Variants in AURKAIP1 observed in about 807,000 individuals in gnomAD.
AURKAIP1 encodes aurora kinase A interacting protein 1.
Under a neutral mutation model 18.4 loss-of-function variants are expected in AURKAIP1, and 20 were observed. That is an observed-to-expected ratio of 1.09 (90% confidence interval 0.77 to 1.58). The LOEUF (loss-of-function observed/expected upper bound fraction) is 1.58. Ranked by LOEUF, AURKAIP1 falls within the 40% of genes most tolerant of loss-of-function variation. AURKAIP1 has a pLI of 0.00. For synonymous variants in AURKAIP1, 156 were observed against 120.8 expected, an observed-to-expected ratio of 1.29 and a Z score of -1.91; for missense variants, 319 against 270.7, an observed-to-expected ratio of 1.18 and a Z score of -1.25.
In AURKAIP1 at chr1:1,374,744, G is replaced by T; in HGVS notation, c.13C>A (p.Arg5Ser). The T allele has an allele frequency of 6.4e-7, 1 of 1,559,902 alleles. No homozygotes were observed. Among genetic ancestry groups the T allele is most frequent in the Admixed American group, 1.9e-5 (1 of 52,396 alleles). ...GCCCTCAACAGCTGGGAAGTCAGGC[G>T]CCCCAGGAGCATGGTCTGTGGGCGG... Reference protein sequence around the residue: MLLGRLTSQLLRAVP... With the variant: MLLGSLTSQLLRAVP... The change falls in exon 2 of 4, where the codon CGC becomes AGC. Residue 5 changes from arginine (R) to serine (S), a missense_variant. Physicochemically the swap from Arg to Ser is moderately radical, Grantham distance 110. Coordinates refer to ENST00000338338, the MANE Select transcript of AURKAIP1 (RefSeq NM_017900.3).
At position 1,373,780 on chromosome 1, in the gene AURKAIP1, G is replaced by C. The variant is rs368225395; in HGVS notation, c.*21C>G. On this transcript the variant is annotated 3_prime_UTR_variant, in exon 4 of 4. Transcript: ENST00000338338. Reference sequence around the variant, plus strand: ...TTACTACGGATCACAGCAGCAACGGGCGGGAAGGGCGGCGCCAGACTCATT... The same window carrying C: ...TTACTACGGATCACAGCAGCAACGGCCGGGAAGGGCGGCGCCAGACTCATT... 1.3e-6 allele frequency: 2 copies of C among 1,585,452 alleles called. No homozygotes were observed. The highest frequency in any genetic ancestry group is 2.2e-5 in the South Asian group (2 of 90,590).
rs371071779 is a variant in AURKAIP1, at chr1:1,374,758, G to A, written c.-2C>T. ...GGAAGTCAGGCGCCCCAGGAGCATG[G>A]TCTGTGGGCGGCGGCCACAGGTCCC... On this transcript the variant is annotated 5_prime_UTR_variant, in exon 2 of 4. Transcript: ENST00000338338. 6.0e-5 allele frequency: 94 copies of A among 1,556,770 alleles called. No individual in the cohort carries two copies. The highest frequency in any genetic ancestry group is 7.3e-5 in the Non-Finnish European group (84 of 1,150,768).
chr1:1,374,526 G>C, intron 2 of AURKAIP1, 81 bp from the exon 3 acceptor site: 1 of 1,374,440 alleles, frequency 7.3e-7, no homozygotes, highest in Admixed American at 2.6e-5. Flanking sequence ...GTTCGTCCCA[G>C]CGAGGATCCC....
intron 3 of AURKAIP1, 26 bp from the exon 4 acceptor site, chr1:1,373,928 C>T: frequency 6.2e-7 from 1 of 1,609,080 alleles, no homozygotes; most frequent in Non-Finnish European, 8.5e-7. Flanking sequence ...AGAGGGACCG[C>T]CAAGTAATTC....
chr1:1,374,397 C>T lies in AURKAIP1; in HGVS notation c.101G>A (p.Cys34Tyr). The change falls in exon 3 of 4, where the codon TGC becomes TAC. Residue 34 changes from cysteine to tyrosine, a missense_variant. Coordinates refer to ENST00000338338, the MANE Select transcript of AURKAIP1 (RefSeq NM_017900.3). ...PVSGVLGSRV[C>Y]GPLYSTSPAG... ...CGGCGATGTGCTGTAAAGGGGCCCG[C>T]AGACCCGGCTGCCCAGCACTCCAGA... is the stretch of plus-strand genomic sequence containing the variant. 6.8e-7 allele frequency: 1 copy of T among 1,475,358 alleles called. No homozygotes were observed. The highest frequency in any genetic ancestry group is 8.9e-7 in the Non-Finnish European group (1 of 1,119,590). 91.4% of individuals were successfully genotyped at this position (1,475,358 alleles called of 1,614,324 possible). A position where few individuals can be genotyped will look rare whatever the true frequency, so the allele number is the denominator to read the frequency against.
intron 1 of AURKAIP1, 129 bp downstream of exon 1, chr1:1,375,025 C>A: frequency 2.4e-6 from 1 of 410,770 alleles, no homozygotes; most frequent in Non-Finnish European, 4.4e-6. Flanking sequence ...GGAGGCCGGC[C>A]CCCTCCCCGG....
At chr1:1,374,521 T>C in intron 2 of AURKAIP1, 76 bp from the exon 3 acceptor site, 1 of 1,387,298 alleles carries the variant, frequency 7.2e-7, no homozygotes, top group Non-Finnish European at 9.6e-7. Flanking sequence ...AGCAGGTTCG[T>C]CCCAGCGAGG....
In AURKAIP1 at chr1:1,373,749, A is replaced by T; in HGVS notation, c.*52T>A. ...CGCAGGAAAGGCTGAGTCCTCTGAG[A>T]ATTTATTACTACGGATCACAGCAGC... On this transcript the variant is annotated 3_prime_UTR_variant, in exon 4 of 4. Coordinates refer to ENST00000338338, the MANE Select transcript of AURKAIP1 (RefSeq NM_017900.3). The T allele has an allele frequency of 6.6e-7, 1 of 1,513,956 alleles. No individual in the cohort carries two copies. Among genetic ancestry groups the T allele is most frequent in the East Asian group, 2.3e-5 (1 of 44,048 alleles). The allele number at this position is 1,513,956 out of a possible 1,614,324, so 93.8% of individuals were successfully genotyped here. A position where few individuals can be genotyped will look rare whatever the true frequency, so the allele number is the denominator to read the frequency against.
Position 1,374,775 on chromosome 1 carries a change from A to G in AURKAIP1, c.-19T>C. ...GGAGCATGGTCTGTGGGCGGCGGCC[A>G]CAGGTCCCAGGGGAGCTGGAACACA... On this transcript the variant is annotated 5_prime_UTR_variant, in exon 2 of 4. Transcript: ENST00000338338. 3 of 1,552,746 alleles carry G rather than the reference A, an allele frequency of 1.9e-6. No individual in the cohort carries two copies. In the South Asian group the frequency reaches 3.6e-5, roughly 18 times the overall value.
chr1:1,373,926 C>G (rs1311846928), intron 3 of AURKAIP1, 24 bp from the exon 4 acceptor site: 3 of 1,608,988 alleles, frequency 1.9e-6, no homozygotes, highest in Admixed American at 1.7e-5. Flanking sequence ...AGAGAGGGAC[C>G]GCCAAGTAAT....
In AURKAIP1 at chr1:1,374,766, G is replaced by A. The variant is rs1435803294; in HGVS notation, c.-10C>T. 3 of 1,554,930 alleles carry A rather than the reference G, an allele frequency of 1.9e-6. No individual in the cohort carries two copies. Among genetic ancestry groups the A allele is most frequent in the Admixed American group, 1.9e-5 (1 of 51,680 alleles). Reference sequence around the variant, plus strand: ...GGCGCCCCAGGAGCATGGTCTGTGGGCGGCGGCCACAGGTCCCAGGGGAGC... The same window carrying A: ...GGCGCCCCAGGAGCATGGTCTGTGGACGGCGGCCACAGGTCCCAGGGGAGC... On this transcript the variant is annotated 5_prime_UTR_variant, in exon 2 of 4. Transcript: ENST00000338338.
intron 1 of AURKAIP1, 87 bp from the exon 2 acceptor site, chr1:1,374,877 G>T: frequency 2.3e-6 from 2 of 886,864 alleles, no homozygotes; most frequent in Non-Finnish European, 3.3e-6. Context: ...GTCCCGCCGC[G>T]ACCCTCGCTT....
intron 1 of AURKAIP1, 38 bp from the exon 2 acceptor site, chr1:1,374,828 C>T (rs1313446319): frequency 1.4e-6 from 2 of 1,443,728 alleles, no homozygotes; most frequent in Admixed American, 2.2e-5. Flanking sequence ...GGCGGCAGCG[C>T]CTTCAGTAGT....
intron 2 of AURKAIP1, 62 bp downstream of exon 2, chr1:1,374,643 G>C: frequency 1.3e-6 from 2 of 1,521,108 alleles, no homozygotes; most frequent in Non-Finnish European, 1.8e-6. Context: ...CAGCGGAGCT[G>C]CTGAGACCCG....
chr1:1,375,034 G>A (rs947546193), intron 1 of AURKAIP1, 120 bp downstream of exon 1: 47 of 392,114 alleles, frequency 1.2e-4, no homozygotes, highest in African/African-American at 7.1e-4. Flanking sequence ...CCCCCTCCCC[G>A]GGTTCACCCC....
rs756686634 is a variant in AURKAIP1 at position 1,374,165 on chromosome 1, C to T, written c.333G>A (p.Gly111=). 25 of 1,613,876 alleles carry T rather than the reference C, an allele frequency of 1.5e-5. No homozygotes were observed. The highest frequency in any genetic ancestry group is 1.9e-5 in the Non-Finnish European group (23 of 1,180,054). Residue 111 remains glycine (G), a synonymous_variant, in exon 3 of 4, where the codon GGG becomes GGA. Coordinates refer to ENST00000338338, the MANE Select transcript of AURKAIP1 (RefSeq NM_017900.3). ...CGACGCCTTCATCCCCCTGCTCGGC[C>T]CCTTCCCCTATCTGGCTGGGCGGAC... ...YQCPPSQIGE[G]AEQGDEGVAD... is the part of the protein sequence containing the mutation.
Position 1,374,225 on chromosome 1 carries a change from G to C in AURKAIP1, c.273C>G (p.Thr91=). The C allele has an allele frequency of 1.9e-6, 3 of 1,612,840 alleles. No homozygotes were observed. Among genetic ancestry groups the C allele is most frequent in the East Asian group, 2.2e-5 (1 of 44,886 alleles). ...RCFLPRLDTG[T]AGTVAPPQSY... ...ATTGCGGTGGAGCCACAGTCCCTGCGGTCCCGGTATCCAGTCTGGGCAGGA... is the reference window on the plus strand; with the variant it reads ...ATTGCGGTGGAGCCACAGTCCCTGCCGTCCCGGTATCCAGTCTGGGCAGGA... Residue 91 remains threonine (T), a synonymous_variant, in exon 3 of 4, where the codon ACC becomes ACG. Transcript: ENST00000338338.
chr1:1,374,425 CG>C lies in AURKAIP1; in HGVS notation c.72del (p.Val25SerfsTer84). 1.4e-6 allele frequency: 2 copies of C among 1,450,324 alleles called. No individual in the cohort carries two copies. The highest frequency in any genetic ancestry group is 2.8e-5 in the Admixed American group (1 of 35,860). 89.8% of individuals were successfully genotyped at this position (1,450,324 alleles called of 1,614,324 possible). A position where few individuals can be genotyped will look rare whatever the true frequency, so the allele number is the denominator to read the frequency against. ...VPWAGGRPPWPVSGVLGSRVC... is the reference protein window; with the variant it reads ...VPWAGGRPPWXVSGVLGSRVC... ...ACCCGGCTGCCCAGCACTCCAGAGA[CG>C]GGCCAAGGCGGGCGGCCGCCTGCAG... On this transcript the variant is annotated frameshift_variant, in exon 3 of 4. Coordinates refer to ENST00000338338, the MANE Select transcript of AURKAIP1 (RefSeq NM_017900.3). LOFTEE classifies it high-confidence loss of function.
chr1:1,374,428 G>T lies in AURKAIP1; in HGVS notation c.70C>A (p.Pro24Thr). Residue 24 changes from proline (P) to threonine (T), a missense_variant, in exon 3 of 4, where the codon CCC (proline) becomes ACC (threonine). Transcript: ENST00000338338. ...VPWAGGRPPW[P>T]VSGVLGSRVC... ...CGGCTGCCCAGCACTCCAGAGACGG[G>T]CCAAGGCGGGCGGCCGCCTGCAGAA... 6.9e-7 allele frequency: 1 copy of T among 1,451,568 alleles called. No homozygotes were observed. Among genetic ancestry groups the T allele is most frequent in the Non-Finnish European group, 9.0e-7 (1 of 1,107,872 alleles). The allele number at this position is 1,451,568 out of a possible 1,614,324, so 89.9% of individuals were successfully genotyped here.
Sources: allele counts gnomAD v4.1 joint callset, GRCh38; gene constraint gnomAD v4.1.1; transcripts MANE v1.5; gene names NCBI Gene and HGNC (gene_info 2026-07-23, HGNC 2026-07-21).